Variants in RIF1 observed in about 807,000 individuals in gnomAD.
The protein encoded by RIF1 is replication timing regulatory factor 1.
RIF1 carries 45 observed loss-of-function variants against 247.1 expected under a neutral mutation model. The observed-to-expected ratio is 0.18, with a 90% confidence interval of 0.14 to 0.23. RIF1 has a LOEUF of 0.23. Ranked by LOEUF, RIF1 falls within the 10% of genes least tolerant of loss-of-function variation. The pLI is 1.00. For missense variants in RIF1, 2,967 were observed against 2,862.5 expected (o/e 1.04, Z -0.83); for synonymous variants, 1,087 against 978.8 (o/e 1.11, Z -2.06).
At position 151,497,758 on chromosome 2, in the gene RIF1, A is replaced by G. The variant is rs574960576; in HGVS notation, c.*514-1587A>G. ...AGCATCCAGAAAAACAACCATGAGTAACATTTCATTTCTTGGGACTTTTTA... is the reference window on the plus strand; with the variant it reads ...AGCATCCAGAAAAACAACCATGAGTGACATTTCATTTCTTGGGACTTTTTA... On this transcript the variant is annotated intron_variant and NMD_transcript_variant, in intron 10 of 13. Transcript: ENST00000454583. The G allele has an allele frequency of 1.7e-5, 26 of 1,552,642 alleles. No homozygotes were observed. The South Asian group carries it at 2.8e-4, about 16-fold the overall frequency.
chr2:151,437,244 C>T lies in RIF1; in HGVS notation c.1376C>T (p.Pro459Leu), dbSNP rs376785715. 64 of 1,604,570 alleles carry T rather than the reference C, an allele frequency of 4.0e-5. No individual in the cohort carries two copies. The highest frequency in any genetic ancestry group is 5.4e-5 in the Non-Finnish European group (63 of 1,171,552). ...ATCTTTTATTCTTCCCTTTCAGAGC[C>T]ATTGGAACATCCGTTAATCAGCAGC... ...KQNKLVLSLEPLEHPLISSPS... is the reference protein window; with the variant it reads ...KQNKLVLSLELLEHPLISSPS... Residue 459 changes from proline to leucine, a missense_variant, in exon 13 of 36, where the codon CCA (proline) becomes CTA (leucine). Around this residue, in one of 7 missense-constraint regions of RIF1, gnomAD observed 369 missense variants for 322.0 expected, o/e 1.15. Transcript: ENST00000444746.
At chr2:151,512,019 C>CTTTTTTTTTTTTT (rs71403173), downstream of RIF1, among the ~76,000 whole-genome samples, 2 of 93,586 alleles carry the variant, frequency 2.1e-5, no homozygotes, top group African/African-American at 4.3e-5. Context: ...CCCTCTCACT[C>CTTTTTTTTTTTTT]TTTTTTTTTT....
Position 151,411,256 on chromosome 2 carries a change from T to A in RIF1, c.105-4T>A, listed in dbSNP as rs1410202286. On this transcript the variant is annotated splice_polypyrimidine_tract_variant and splice_region_variant and intron_variant, in intron 2 of 35. Transcript: ENST00000444746. ...TTAAACTTGTGTTCTTCCTGCTTTT[T>A]AAGTCGTATGACTGGAGAAGAAGGA... 1 of 1,570,136 alleles carries A rather than the reference T, an allele frequency of 6.4e-7. No homozygotes were observed.
At chr2:151,519,884 A>C in the RIF1 span, 3 of 668,046 alleles carry the variant, frequency 4.5e-6, no homozygotes, top group East Asian at 2.6e-5. Flanking sequence ...TGATCATATA[A>C]TCTATTATCC....
chr2:151,483,934 C>T (rs1266723699), downstream of RIF1, among the ~76,000 whole-genome samples: 1 of 152,190 alleles, frequency 6.6e-6, no homozygotes, highest in Admixed American at 6.5e-5. Context: ...AATTGTCTTC[C>T]ACAAAACTGG....
Position 151,410,494 on chromosome 2 carries a change from G to T in RIF1, c.71G>T (p.Gly24Val). The T allele has an allele frequency of 6.2e-7, 1 of 1,614,076 alleles. No homozygotes were observed. ...ETLEDPSASH[G>V]GQTDAYLTLT... ...TTGGAAGACCCTTCTGCCTCCCATG[G>T]AGGGCAGACTGACGCTTACCTGACT... The change falls in exon 2 of 36, where the codon GGA becomes GTA. Residue 24 changes from glycine to valine, a missense_variant. Coordinates refer to ENST00000444746, the MANE Select transcript of RIF1 (RefSeq NM_018151.5).
Position 151,412,729 on chromosome 2 carries a change from C to T in RIF1, c.183+1391C>T, listed in dbSNP as rs191431307. The stretch of plus-strand genomic sequence containing the variant: ...AACTCTTGACCTCAGGTGATCCACC[C>T]GCCTTGGCCTCTCAGAGGGCTAGGA... On this transcript the variant is annotated intron_variant, in intron 3 of 35. Transcript: ENST00000444746. Among the ~76,000 whole-genome samples the T allele has an allele frequency of 3.4e-3, 523 of 152,202 alleles. 4 individuals are homozygous for T. Among genetic ancestry groups the T allele is most frequent in the African/African-American group, 0.012 (491 of 41,528 alleles).
Position 151,465,953 on chromosome 2 carries a change from C to T in RIF1, c.6433C>T (p.Pro2145Ser), listed in dbSNP as rs1696811626. 6.2e-7 allele frequency: 1 copy of T among 1,614,000 alleles called. No homozygotes were observed. Among genetic ancestry groups the T allele is most frequent in the Non-Finnish European group, 8.5e-7 (1 of 1,180,004 alleles). Reference protein sequence around the residue: ...ELIIEDNNASPQKLRELDPSL... With the variant: ...ELIIEDNNASSQKLRELDPSL... ...AATAATAGAAGACAATAATGCATCT[C>T]CTCAAAAACTAAGGGAACTTGATCC... The change falls in exon 30 of 36, where the codon CCT becomes TCT. Residue 2145 changes from proline (P) to serine (S), a missense_variant. Physicochemically the swap from Pro to Ser is moderately conservative, Grantham distance 74. Around this residue, in one of 7 missense-constraint regions of RIF1, gnomAD observed 2,028 missense variants for 1,825.6 expected, o/e 1.11. Transcript: ENST00000444746.
chr2:151,412,424 G>A (rs551250680), intron 3 of RIF1, among the ~76,000 whole-genome samples: 2 of 152,080 alleles, frequency 1.3e-5, no homozygotes, highest in Admixed American at 6.6e-5. Flanking sequence ...GGGTCCAAGC[G>A]ATCCTCCCAC....
chr2:151,475,861 C>T lies in RIF1; in HGVS notation c.*790C>T, dbSNP rs1021395669. 6.6e-6 allele frequency: 1 copy of T among 152,442 alleles called. No individual in the cohort carries two copies. The highest frequency in any genetic ancestry group is 6.6e-5 in the Admixed American group (1 of 15,256). The allele number at this position is 152,442 out of a possible 1,614,324, so 9.4% of individuals were successfully genotyped here. Reference sequence around the variant, plus strand: ...GCAGCTTATTGTGAATACCTTGGTTCTGTTCAATAGAAACATTTTGTATAT... The same window carrying T: ...GCAGCTTATTGTGAATACCTTGGTTTTGTTCAATAGAAACATTTTGTATAT... On this transcript the variant is annotated 3_prime_UTR_variant, in exon 36 of 36. Transcript: ENST00000444746.
intron 8 of RIF1, chr2:151,423,775 T>G (rs993097498): frequency 6.6e-6 from 1 of 151,900 alleles, no homozygotes; most frequent in Non-Finnish European, 1.5e-5. Flanking sequence ...TTAAGCCAGG[T>G]TTTGGGTGGT....
rs200165006 is a variant in RIF1 at position 151,492,419 on chromosome 2, G to A, written c.*416-2810G>A. The A allele has an allele frequency of 7.0e-5, 112 of 1,609,570 alleles. No individual in the cohort carries two copies. Among genetic ancestry groups the A allele is most frequent in the African/African-American group, 6.0e-4 (45 of 74,518 alleles). ...ATGTGCCGTTGGGTCTCCCTCACCC[G>A]TCTCATCTCGGGGGTATCCAATACA... On this transcript the variant is annotated intron_variant and NMD_transcript_variant, in intron 9 of 13. Coordinates refer to the RIF1 transcript ENST00000454583.
In RIF1 at chr2:151,480,107, C is replaced by G. The variant is rs2049106313; in HGVS notation, c.*5036C>G. 6.6e-6 allele frequency: 1 copy of G among 152,100 alleles called. No individual in the cohort carries two copies. The highest frequency in any genetic ancestry group is 2.4e-5 in the African/African-American group (1 of 41,428). 9.4% of individuals were successfully genotyped at this position (152,100 alleles called of 1,614,324 possible). A position where few individuals can be genotyped will look rare whatever the true frequency, so the allele number is the denominator to read the frequency against. On this transcript the variant is annotated 3_prime_UTR_variant, in exon 36 of 36. Coordinates refer to ENST00000444746, the MANE Select transcript of RIF1 (RefSeq NM_018151.5). ...TTCTTTACATACTAAGCCTTCCTTT[C>G]TCCAAAGAACAGTTAAAACCAAATG... is the stretch of plus-strand genomic sequence containing the variant.
chr2:151,515,548 G>A, the RIF1 span, among the ~76,000 whole-genome samples: 1 of 152,084 alleles, frequency 6.6e-6, no homozygotes, highest in Non-Finnish European at 1.5e-5. Flanking sequence ...AATAGCTTAG[G>A]TGGGCAGTGA....
Position 151,424,825 on chromosome 2 carries a change from ATTTTTTTTTTTTTTTT to A in RIF1, c.786+1799_786+1814del, listed in dbSNP as rs71000475. On this transcript the variant is annotated intron_variant, in intron 8 of 35. Coordinates refer to ENST00000444746, the MANE Select transcript of RIF1 (RefSeq NM_018151.5). ...CTGGGACTACCACCCAGCCCGGCTG[ATTTTTTTTTTTTTTTT>A]TTTTTTTTTTTTTTTCCATATTTTT... Among the ~76,000 whole-genome samples the A allele has an allele frequency of 7.0e-4, 33 of 47,290 alleles. 1 individual carries two copies. Among genetic ancestry groups the A allele is most frequent in the Middle Eastern group, 0.023 (1 of 44 alleles). 31.0% of individuals were successfully genotyped at this position (47,290 alleles called of 152,430 possible).
chr2:151,525,099 A>G, the RIF1 span: 1 of 1,117,924 alleles, frequency 8.9e-7, no homozygotes, highest in African/African-American at 1.5e-5. Flanking sequence ...GAACAAGAGA[A>G]TGCACCAATC....
At position 151,411,319 on chromosome 2, in the gene RIF1, G is replaced by T. The variant is rs1686165600; in HGVS notation, c.164G>T (p.Arg55Leu). Residue 55 changes from arginine (R) to leucine (L), a missense_variant, in exon 3 of 36, where the codon CGG becomes CTG. By Grantham distance (102) the Arg-to-Leu change is moderately radical (BLOSUM62 -2). Coordinates refer to ENST00000444746, the MANE Select transcript of RIF1 (RefSeq NM_018151.5). ...ACAGAAATTGAGAAAAAACTTCCTCGGCTGTACAAAGTTTTAAAGGTATGT... is the reference window on the plus strand; with the variant it reads ...ACAGAAATTGAGAAAAAACTTCCTCTGCTGTACAAAGTTTTAAAGGTATGT... ...VITEIEKKLP[R>L]LYKVLKTHIS... 1.3e-6 allele frequency: 2 copies of T among 1,595,768 alleles called. No homozygotes were observed. The highest frequency in any genetic ancestry group is 1.1e-5 in the South Asian group (1 of 89,042).
the RIF1 span, chr2:151,519,914 A>G: frequency 2.5e-4 from 138 of 562,320 alleles, no homozygotes; most frequent in African/African-American, 2.3e-3. Context: ...CATTTAGAGT[A>G]AAGAAGACAC....
chr2:151,491,579 G>C, intron 9 of RIF1: 1 of 961,730 alleles, frequency 1.0e-6, no homozygotes, highest in Middle Eastern at 2.1e-4. Context: ...CTCAGAAAAT[G>C]GAAAACTCTG....
Sources: allele counts gnomAD v4.1 joint callset (sites outside exome capture counted in the v4.1 genomes callset), GRCh38; gene constraint gnomAD v4.1.1; regional missense constraint gnomAD v4.1.1; transcripts MANE v1.5; gene names NCBI Gene and HGNC (gene_info 2026-07-23, HGNC 2026-07-21).